Variants in GALNTL6 observed in about 807,000 individuals in gnomAD.
GALNTL6 encodes polypeptide N-acetylgalactosaminyltransferase like 6, also known as polypeptide N-acetylgalactosaminyltransferase-like 6.
GALNTL6 carries 46 observed loss-of-function variants against 73.7 expected under a neutral mutation model. The observed-to-expected ratio is 0.62, with a 90% CI of 0.49 to 0.80. GALNTL6 has a LOEUF of 0.80. Ranked by LOEUF, GALNTL6 falls within the 30% of genes least tolerant of loss-of-function variation. The pLI is 0.00. For synonymous variants in GALNTL6, 259 were observed against 263.7 expected (o/e 0.98, Z 0.17); for missense variants, 604 against 755.0 (o/e 0.80, Z 2.34).
At chr4:173,006,865 T>C (rs1232776403) in intron 10 of GALNTL6, among the ~76,000 whole-genome samples, 1 of 152,226 alleles carries the variant, frequency 6.6e-6, no homozygotes, top group Non-Finnish European at 1.5e-5. Flanking sequence ...TCCACCACTT[T>C]CCTTGGATTC....
At chr4:172,330,574 A>T (rs1578961788) in intron 4 of GALNTL6, among the ~76,000 whole-genome samples, 1 of 152,330 alleles carries the variant, frequency 6.6e-6, no homozygotes, top group Admixed American at 6.5e-5. Context: ...AGTAGCCCAC[A>T]CTAGCAGCTT....
At chr4:172,209,443 C>CAAA (rs35780511) in intron 2 of GALNTL6, among the ~76,000 whole-genome samples, 1 of 135,194 alleles carries the variant, frequency 7.4e-6, no homozygotes, top group African/African-American at 2.8e-5. Flanking sequence ...GGTCTCTGGT[C>CAAA]AAAAAAAAAA....
At chr4:172,066,775 C>A (rs1731377885) in intron 2 of GALNTL6, among the ~76,000 whole-genome samples, 1 of 152,112 alleles carries the variant, frequency 6.6e-6, no homozygotes, top group Admixed American at 6.6e-5. Context: ...TGCCTAATGA[C>A]CCTACTAAAC....
chr4:172,669,334 C>T (rs1480370039), intron 5 of GALNTL6: 1 of 152,174 alleles, frequency 6.6e-6, no homozygotes, highest in Non-Finnish European at 1.5e-5. Context: ...CCCCACTTAA[C>T]TAAGACGTTT....
intron 10 of GALNTL6, among the ~76,000 whole-genome samples, chr4:172,980,174 G>C (rs1388900902): frequency 6.6e-6 from 1 of 152,186 alleles, no homozygotes; most frequent in Non-Finnish European, 1.5e-5. Context: ...GTCCCCATCA[G>C]ACTCTACAAC....
chr4:172,553,712 C>T (rs1029099381), intron 5 of GALNTL6, among the ~76,000 whole-genome samples: 9 of 152,090 alleles, frequency 5.9e-5, no homozygotes, highest in Non-Finnish European at 1.5e-5. Context: ...GTATGGGAGA[C>T]TTTGCAACAT....
intron 2 of GALNTL6, among the ~76,000 whole-genome samples, chr4:172,178,482 A>C (rs1396857636): frequency 2.6e-5 from 4 of 151,908 alleles, no homozygotes; most frequent in Non-Finnish European, 4.4e-5. Flanking sequence ...ATGTGTTCTC[A>C]TTGTTCAACT....
chr4:172,043,416 T>C (rs1407275232), intron 2 of GALNTL6, among the ~76,000 whole-genome samples: 3 of 152,042 alleles, frequency 2.0e-5, no homozygotes, highest in South Asian at 4.1e-4. Context: ...AGCTTCAATA[T>C]TGGAAGAGGC....
In GALNTL6 at chr4:172,111,096, G is replaced by C. The variant is rs548521160; in HGVS notation, c.139-118560G>C. On this transcript the variant is annotated intron_variant, in intron 2 of 12. Coordinates refer to ENST00000506823, the MANE Select transcript of GALNTL6 (RefSeq NM_001034845.3). ...TTCTCACAGGCAATCAGCATCATTA[G>C]ATAATCACTCAAGGAATTTTGTTTC... Among the ~76,000 whole-genome samples the C allele has an allele frequency of 5.3e-5, 8 of 152,080 alleles. 1 individual carries two copies. The South Asian group carries it at 1.7e-3, about 32-fold the overall frequency.
In GALNTL6 at chr4:172,744,019, G is replaced by C. The variant is rs185997409; in HGVS notation, c.554-65342G>C. On this transcript the variant is annotated intron_variant, in intron 5 of 12. Coordinates refer to ENST00000506823, the MANE Select transcript of GALNTL6 (RefSeq NM_001034845.3). ...GCTTTTGAATTATTACCCTCCTCTAGAGGGGAAACTCCAAGAGTTCTACTT... is the reference window on the plus strand; with the variant it reads ...GCTTTTGAATTATTACCCTCCTCTACAGGGGAAACTCCAAGAGTTCTACTT... Among the ~76,000 whole-genome samples, 5 of 152,186 alleles carry C rather than the reference G, an allele frequency of 3.3e-5. No individual in the cohort carries two copies. In the East Asian group the frequency reaches 9.7e-4, roughly 29 times the overall value.
intron 9 of GALNTL6, among the ~76,000 whole-genome samples, chr4:172,951,480 G>A (rs1303491284): frequency 6.6e-6 from 1 of 152,220 alleles, no homozygotes; most frequent in East Asian, 1.9e-4. Context: ...ACTTCATCAT[G>A]CAGTAAAGTA....
At chr4:171,820,665 A>G (rs562804014) in intron 2 of GALNTL6, among the ~76,000 whole-genome samples, 159 of 152,356 alleles carry the variant, frequency 1.0e-3, no homozygotes, top group African/African-American at 3.6e-3. Context: ...ATCCATCTCT[A>G]GAAGTGCTTA....
chr4:172,732,656 T>C (rs1028743742), intron 5 of GALNTL6, among the ~76,000 whole-genome samples: 5 of 152,240 alleles, frequency 3.3e-5, no homozygotes, highest in African/African-American at 4.8e-5. Flanking sequence ...TCTGATAGTA[T>C]GTTTTAATTT....
chr4:171,923,559 G>A (rs866578055), intron 2 of GALNTL6, among the ~76,000 whole-genome samples: 19 of 74,422 alleles, frequency 2.6e-4, no homozygotes, highest in South Asian at 2.1e-3. Context: ...CACCACTCCC[G>A]GCTAATTTTT....
intron 5 of GALNTL6, among the ~76,000 whole-genome samples, chr4:172,675,767 C>T (rs377295907): frequency 1.3e-5 from 2 of 152,110 alleles, no homozygotes; most frequent in Admixed American, 6.5e-5. Context: ...TACAAGACAC[C>T]GGGCTCAGTA....
chr4:172,059,306 C>G (rs1289666810), intron 2 of GALNTL6, among the ~76,000 whole-genome samples: 1 of 152,132 alleles, frequency 6.6e-6, no homozygotes, highest in African/African-American at 2.4e-5. Context: ...AGAGACACCT[C>G]CTGGGGTGAG....
chr4:171,983,676 T>C (rs1295766487), intron 2 of GALNTL6, among the ~76,000 whole-genome samples: 1 of 151,756 alleles, frequency 6.6e-6, no homozygotes, highest in Admixed American at 6.6e-5. Context: ...TTAATAATGC[T>C]CTCCTTGAAT....
At position 172,375,734 on chromosome 4, in the gene GALNTL6, C is replaced by T. The variant is rs578040161; in HGVS notation, c.553+27045C>T. Among the ~76,000 whole-genome samples, 10 of 152,272 alleles carry T rather than the reference C, an allele frequency of 6.6e-5. 1 individual carries two copies. The South Asian group carries it at 2.1e-3, about 32-fold the overall frequency. ...ATTTAGTGGCCCTTACTGATGCATTCTTGAAAACCTGCACTCTTGCCTGTC... is the reference window on the plus strand; with the variant it reads ...ATTTAGTGGCCCTTACTGATGCATTTTTGAAAACCTGCACTCTTGCCTGTC... On this transcript the variant is annotated intron_variant, in intron 5 of 12. Transcript: ENST00000506823.
chr4:172,529,014 C>T (rs1029255144), intron 5 of GALNTL6, among the ~76,000 whole-genome samples: 1 of 69,698 alleles, frequency 1.4e-5, no homozygotes, highest in Non-Finnish European at 2.9e-5. Context: ...TATACACACA[C>T]ACACACACAT....
Sources: allele counts gnomAD v4.1 joint callset (sites outside exome capture counted in the v4.1 genomes callset), GRCh38; gene constraint gnomAD v4.1.1; transcripts MANE v1.5; gene names NCBI Gene and HGNC (gene_info 2026-07-23, HGNC 2026-07-21).